Variants in AADAT observed in about 807,000 individuals in gnomAD.
The protein encoded by AADAT is aminoadipate aminotransferase.
A neutral mutation model predicts 56.2 loss-of-function variants in AADAT; 25 were observed. The observed-to-expected ratio is 0.44, with a 90% CI of 0.32 to 0.62. The LOEUF is 0.62. Ranked by LOEUF, AADAT falls within the 20% of genes least tolerant of loss-of-function variation. The pLI, the probability that AADAT is intolerant of heterozygous loss-of-function variation, is 0.04. For missense variants in AADAT, 387 were observed against 510.5 expected, an observed-to-expected ratio of 0.76 and a Z score of 2.33; for synonymous variants, 173 against 164.7, an observed-to-expected ratio of 1.05 and a Z score of -0.39.
intron 3 of AADAT, among the ~76,000 whole-genome samples, chr4:170,080,379 G>C (rs914657875): frequency 6.6e-6 from 1 of 152,072 alleles, no homozygotes; most frequent in Non-Finnish European, 1.5e-5. Context: ...AAGTGAGATT[G>C]AGGTGGCCAA....
upstream of AADAT, among the ~76,000 whole-genome samples, chr4:170,090,965 C>G (rs1016812909): frequency 1.3e-5 from 2 of 152,226 alleles, no homozygotes; most frequent in African/African-American, 4.8e-5. Flanking sequence ...GGAGCCACTG[C>G]TTTTATCTAG....
chr4:170,085,454 A>G (rs1214044673), intron 3 of AADAT, among the ~76,000 whole-genome samples: 1 of 152,198 alleles, frequency 6.6e-6, no homozygotes, highest in African/African-American at 2.4e-5. Flanking sequence ...CTGGAGAACA[A>G]AGTGGAAGAA....
chr4:170,065,382 G>T (rs1019884799), intron 10 of AADAT, among the ~76,000 whole-genome samples: 1 of 152,092 alleles, frequency 6.6e-6, no homozygotes, highest in African/African-American at 2.4e-5. Context: ...TCAAAAACAA[G>T]CATAATGATC....
chr4:170,065,222 C>G (rs114279232), intron 10 of AADAT, among the ~76,000 whole-genome samples: 3,498 of 152,222 alleles, frequency 0.023, 139 homozygotes, highest in African/African-American at 0.08. Context: ...AGCATTACAA[C>G]AAATCCTAGT....
At chr4:170,093,768 T>A (rs574757128), upstream of AADAT, among the ~76,000 whole-genome samples, 7 of 152,236 alleles carry the variant, frequency 4.6e-5, no homozygotes, top group East Asian at 3.9e-4. Context: ...GATAATTTTT[T>A]AAAATACCTT....
intron 3 of AADAT, among the ~76,000 whole-genome samples, chr4:170,083,523 C>G (rs1008525039): frequency 6.6e-6 from 1 of 151,942 alleles, no homozygotes; most frequent in African/African-American, 2.4e-5. Context: ...ACCCATCTGA[C>G]AAGGGATTAA....
chr4:170,079,073 G>C (rs1561020611), intron 3 of AADAT, among the ~76,000 whole-genome samples: 1 of 152,138 alleles, frequency 6.6e-6, no homozygotes, highest in Non-Finnish European at 1.5e-5. Flanking sequence ...CTGGTCCACT[G>C]GGAAAGCTAG....
intron 10 of AADAT, among the ~76,000 whole-genome samples, chr4:170,065,832 A>G (rs1731432790): frequency 1.3e-5 from 2 of 152,204 alleles, no homozygotes; most frequent in Non-Finnish European, 2.9e-5. Context: ...ACTTTATAGA[A>G]AATAAGATAG....
At chr4:170,067,452 T>A in intron 8 of AADAT, 64 bp from the exon 9 acceptor site, 1 of 1,304,424 alleles carries the variant, frequency 7.7e-7, no homozygotes, top group Non-Finnish European at 1.1e-6. Context: ...TTGCCATATA[T>A]AAAAGCAACT....
chr4:170,084,462 G>A (rs1732459449), intron 3 of AADAT, among the ~76,000 whole-genome samples: 1 of 152,170 alleles, frequency 6.6e-6, no homozygotes, highest in African/African-American at 2.4e-5. Flanking sequence ...TGTAAATTAT[G>A]TGGATAATAT....
Position 170,087,265 on chromosome 4 carries a change from A to G in AADAT, c.237-17T>C, listed in dbSNP as rs779949091. The G allele has an allele frequency of 2.5e-6, 4 of 1,605,344 alleles. No homozygotes were observed. Among genetic ancestry groups the G allele is most frequent in the Admixed American group, 1.7e-5 (1 of 58,696 alleles). ...TCTGGAATTCTAAAGCAAAAAATGT[A>G]TATTTAAATTCATAGTAGTAAAAAT... is the stretch of plus-strand genomic sequence containing the variant. On this transcript the variant is annotated splice_polypyrimidine_tract_variant and intron_variant, in intron 2 of 12. Transcript: ENST00000337664.
intron 3 of AADAT, among the ~76,000 whole-genome samples, chr4:170,080,324 G>A (rs1447010946): frequency 6.6e-6 from 1 of 152,102 alleles, no homozygotes. Context: ...CTGGCACCAA[G>A]CACGTGGAAA....
chr4:170,084,039 A>C (rs186485991), intron 3 of AADAT, among the ~76,000 whole-genome samples: 1 of 152,334 alleles, frequency 6.6e-6, no homozygotes, highest in Admixed American at 6.5e-5. Context: ...ACACAATGGA[A>C]TATTATTCAA....
Position 170,089,747 on chromosome 4 carries a change from CAA to C in AADAT, c.-59_-58del, listed in dbSNP as rs1240363946. On this transcript the variant is annotated 5_prime_UTR_variant, in exon 1 of 13. Coordinates refer to ENST00000337664, the MANE Select transcript of AADAT (RefSeq NM_016228.4). ...TTCAGTGGTTGAGGACTAGAAAAAC[CAA>C]AGAGCCTCGTCAAGTCCTGCCTGCT... is the stretch of plus-strand genomic sequence containing the variant. 3.8e-6 allele frequency: 6 copies of C among 1,577,834 alleles called. No individual in the cohort carries two copies. Among genetic ancestry groups the C allele is most frequent in the African/African-American group, 1.3e-5 (1 of 74,106 alleles).
At chr4:170,077,208 G>A (rs1415022676) in intron 4 of AADAT, among the ~76,000 whole-genome samples, 1 of 152,110 alleles carries the variant, frequency 6.6e-6, no homozygotes, top group Non-Finnish European at 1.5e-5. Context: ...TTGAGGACTG[G>A]CTTTTCCATT....
At chr4:170,091,324 C>T (rs892910869), upstream of AADAT, among the ~76,000 whole-genome samples, 4 of 152,068 alleles carry the variant, frequency 2.6e-5, no homozygotes, top group South Asian at 6.2e-4. Flanking sequence ...GCACTCAGAG[C>T]GGCGGGCCGG....
intron 3 of AADAT, among the ~76,000 whole-genome samples, chr4:170,083,193 T>C (rs2111202255): frequency 6.6e-6 from 1 of 152,092 alleles, no homozygotes; most frequent in African/African-American, 2.4e-5. Flanking sequence ...TCAAATATCT[T>C]TCCTGACCAC....
intron 10 of AADAT, 30 bp downstream of exon 10, chr4:170,066,378 CTGTTTA>C (rs1731462328): frequency 6.4e-7 from 1 of 1,572,968 alleles, no homozygotes; most frequent in Non-Finnish European, 8.7e-7. Flanking sequence ...ACAGATGCTA[CTGTTTA>C]TCATGAGGAC....
chr4:170,064,973 T>G, intron 10 of AADAT, 148 bp from the exon 11 acceptor site: 2 of 645,446 alleles, frequency 3.1e-6, no homozygotes, highest in East Asian at 6.3e-5. Flanking sequence ...AAAAATATCA[T>G]TTTGTGAGCC....
Sources: gnomAD v4.1 joint callset for allele counts (sites outside exome capture counted in the v4.1 genomes callset) on GRCh38, gnomAD v4.1.1 for gene constraint, MANE v1.5 for transcripts, NCBI Gene and HGNC (gene_info 2026-07-23, HGNC 2026-07-21) for gene names.